The following PDZRN4 variants were observed in gnomAD, a reference collection of about 807,000 sequenced individuals.
PDZRN4 encodes the protein PDZ domain containing ring finger 4.
In PDZRN4, 70 loss-of-function variants were observed where a neutral mutation model predicts 99.0. The observed-to-expected ratio is 0.71, with a 90% CI of 0.58 to 0.86. The LOEUF (loss-of-function observed/expected upper bound fraction) is 0.86, where lower values mean the gene tolerates loss of function less well. PDZRN4 is among the 40% of genes least tolerant of loss of function. The pLI is 0.00. For missense variants in PDZRN4, 1,474 were observed against 1,331.2 expected (o/e 1.11, Z -1.67); for synonymous variants, 551 against 501.6 (o/e 1.10, Z -1.32).
intron 3 of PDZRN4, among the ~76,000 whole-genome samples, chr12:41,337,410 A>G (rs1366967587): frequency 6.6e-6 from 1 of 152,116 alleles, no homozygotes; most frequent in Non-Finnish European, 1.5e-5. Flanking sequence ...CTGTGACCCT[A>G]AAAGAAGAAG....
intron 3 of PDZRN4, among the ~76,000 whole-genome samples, chr12:41,222,897 A>G (rs141960934): frequency 6.6e-6 from 1 of 152,184 alleles, no homozygotes; most frequent in Non-Finnish European, 1.5e-5. Context: ...TGTTAGATAG[A>G]ACCCACAGTA....
chr12:41,452,437 TAAA>T (rs774917437), intron 3 of PDZRN4, among the ~76,000 whole-genome samples: 3 of 133,364 alleles, frequency 2.2e-5, no homozygotes, highest in African/African-American at 5.7e-5. Context: ...AGCCTCCGTC[TAAA>T]AAAAAAAAAA....
rs998532244 is a variant in PDZRN4, at chr12:41,567,643, G to A, written c.1468-140G>A. The A allele has an allele frequency of 3.4e-5, 14 of 408,866 alleles. No individual in the cohort carries two copies. The Middle Eastern group carries it at 1.7e-3, about 51-fold the overall frequency. The allele number at this position is 408,866 out of a possible 1,614,324, so 25.3% of individuals were successfully genotyped here. ...TTATCACCTTTTCTTCTTTCTGAGA[G>A]GTGAACTGTGGGAGGCTGGTATTCT... On this transcript the variant is annotated intron_variant, in intron 8 of 9. Transcript: ENST00000402685.
At position 41,205,396 on chromosome 12, in the gene PDZRN4, G is replaced by T. The variant is rs530354945; in HGVS notation, c.843+11208G>T. ...TCCCTGCGCATGGGATAAAATGTAAGGTTCTTAAGCTATTCAATGAGGTCC... is the reference window on the plus strand; with the variant it reads ...TCCCTGCGCATGGGATAAAATGTAATGTTCTTAAGCTATTCAATGAGGTCC... On this transcript the variant is annotated intron_variant, in intron 3 of 9. Transcript: ENST00000402685. Among the ~76,000 whole-genome samples, 5 of 151,884 alleles carry T rather than the reference G, an allele frequency of 3.3e-5. No homozygotes were observed. The South Asian group carries it at 1.0e-3, about 31-fold the overall frequency.
At chr12:41,253,675 G>T (rs895819233) in intron 3 of PDZRN4, among the ~76,000 whole-genome samples, 1 of 152,028 alleles carries the variant, frequency 6.6e-6, no homozygotes, top group African/African-American at 2.4e-5. Flanking sequence ...ATATATCAAA[G>T]ATATACCTGC....
At chr12:41,407,101 C>T (rs1015548950) in intron 3 of PDZRN4, among the ~76,000 whole-genome samples, 1 of 152,092 alleles carries the variant, frequency 6.6e-6, no homozygotes, top group African/African-American at 2.4e-5. Flanking sequence ...ACCTTATGCT[C>T]TCAGAACTAT....
chr12:41,301,451 G>A (rs1003352167), intron 3 of PDZRN4, among the ~76,000 whole-genome samples: 2 of 151,922 alleles, frequency 1.3e-5, no homozygotes, highest in East Asian at 3.8e-4. Flanking sequence ...CAGATTTCAT[G>A]ATCTTTACAT....
chr12:41,309,776 AT>A (rs909147687), intron 3 of PDZRN4, among the ~76,000 whole-genome samples: 4 of 152,204 alleles, frequency 2.6e-5, no homozygotes, highest in Non-Finnish European at 2.9e-5. Context: ...CGGTAAAAAA[AT>A]ATTTTTAAAA....
intron 3 of PDZRN4, among the ~76,000 whole-genome samples, chr12:41,255,506 G>A (rs1250995551): frequency 6.6e-6 from 1 of 152,028 alleles, no homozygotes. Context: ...AAAATTATTA[G>A]ATTACATTCT....
intron 3 of PDZRN4, among the ~76,000 whole-genome samples, chr12:41,492,344 G>A (rs1458157): frequency 0.6 from 90,449 of 151,998 alleles, 29,409 homozygotes; most frequent in African/African-American, 0.88. Flanking sequence ...ACTGCCTCCC[G>A]TTAGAGAGTT....
intron 3 of PDZRN4, among the ~76,000 whole-genome samples, chr12:41,227,490 C>T (rs1951002293): frequency 6.6e-6 from 1 of 151,862 alleles, no homozygotes. Context: ...CATGGCAAAA[C>T]CCCATCTCTA....
chr12:41,555,230 CAAA>C (rs1171846086), intron 6 of PDZRN4, among the ~76,000 whole-genome samples: 66 of 21,172 alleles, frequency 3.1e-3, no homozygotes, highest in African/African-American at 5.8e-3. Flanking sequence ...GACTCTGTCT[CAAA>C]AAAAAAAAAA....
intron 5 of PDZRN4, among the ~76,000 whole-genome samples, chr12:41,537,662 A>G (rs1938771789): frequency 6.6e-6 from 1 of 152,218 alleles, no homozygotes; most frequent in Non-Finnish European, 1.5e-5. Context: ...AAGGACTTAT[A>G]TTAAGAAGAT....
intron 5 of PDZRN4, among the ~76,000 whole-genome samples, chr12:41,546,827 A>C (rs1938961875): frequency 6.6e-6 from 1 of 152,208 alleles, no homozygotes; most frequent in Non-Finnish European, 1.5e-5. Flanking sequence ...CAGGAAGTGA[A>C]GTGCTTAACA....
At chr12:41,312,032 T>C (rs1015617622) in intron 3 of PDZRN4, among the ~76,000 whole-genome samples, 2 of 152,184 alleles carry the variant, frequency 1.3e-5, no homozygotes, top group Non-Finnish European at 2.9e-5. Context: ...AAAGCTTAGG[T>C]TGATCCTGCT....
intron 3 of PDZRN4, among the ~76,000 whole-genome samples, chr12:41,485,464 A>G (rs1304903237): frequency 6.6e-6 from 1 of 152,178 alleles, no homozygotes; most frequent in African/African-American, 2.4e-5. Context: ...TTACTGTCAC[A>G]TATCTGAGAC....
intron 3 of PDZRN4, among the ~76,000 whole-genome samples, chr12:41,433,183 TTC>T (rs1339411770): frequency 6.6e-6 from 1 of 152,240 alleles, no homozygotes; most frequent in Admixed American, 6.5e-5. Context: ...TGAAAATTTA[TTC>T]TCTTTTATTT....
chr12:41,360,946 G>C (rs1275433941), intron 3 of PDZRN4, among the ~76,000 whole-genome samples: 1 of 5,048 alleles, frequency 2.0e-4, no homozygotes, highest in Admixed American at 6.0e-3. Flanking sequence ...TAAAGTGTGT[G>C]TGTGTGTGTG....
At chr12:41,250,010 A>G (rs1469943188) in intron 3 of PDZRN4, among the ~76,000 whole-genome samples, 1 of 152,200 alleles carries the variant, frequency 6.6e-6, no homozygotes, top group African/African-American at 2.4e-5. Flanking sequence ...TAAGGGGACA[A>G]TTCTTTTAGA....
Sources: gnomAD v4.1 joint callset for allele counts (sites outside exome capture counted in the v4.1 genomes callset) on GRCh38, gnomAD v4.1.1 for gene constraint, MANE v1.5 for transcripts, NCBI Gene and HGNC (gene_info 2026-07-23, HGNC 2026-07-21) for gene names.